Variants in PARP14 observed in about 807,000 individuals in gnomAD.
PARP14 encodes the protein protein mono-ADP-ribosyltransferase PARP14.
Under a neutral mutation model 154.2 loss-of-function variants are expected in PARP14, and 59 were observed. That is an observed-to-expected ratio of 0.38 (90% CI 0.31 to 0.48). The LOEUF is 0.48. PARP14 is among the 20% of genes least tolerant of loss of function. PARP14 has a pLI of 0.98. For synonymous variants in PARP14, 720 were observed against 780.5 expected, an observed-to-expected ratio of 0.92 and a Z score of 1.29; for missense variants, 1,734 against 2,131.6, an observed-to-expected ratio of 0.81 and a Z score of 3.67.
At chr3:122,722,935 A>ATT (rs67962718) in intron 15 of PARP14, among the ~76,000 whole-genome samples, 9 of 145,484 alleles carry the variant, frequency 6.2e-5, no homozygotes, top group Non-Finnish European at 7.6e-5. Flanking sequence ...TGCATTTCAT[A>ATT]TTTTTTTTTT....
intron 15 of PARP14, among the ~76,000 whole-genome samples, chr3:122,723,963 GTATGT>G (rs1389930969): frequency 6.6e-6 from 1 of 152,096 alleles, no homozygotes. Flanking sequence ...AAAAAAATCA[GTATGT>G]TATATTTAAT....
chr3:122,714,282 T>A lies in PARP14; in HGVS notation c.3853T>A (p.Tyr1285Asn). The change falls in exon 12 of 17, where the codon TAT (tyrosine) becomes AAT (asparagine). Residue 1285 changes from tyrosine (Y) to asparagine (N), a missense_variant. This residue lies in a region of PARP14 where 1,646 missense variants were observed against 1,976.0 expected (regional missense o/e 0.83). Coordinates refer to ENST00000474629, the MANE Select transcript of PARP14 (RefSeq NM_017554.3). The part of the protein sequence containing the change: ...SQQAQQRKND[Y>N]IITGGGFLRC... ...CCCAGCTCAGCAGCGCAAAAATGAT[T>A]ATATAATCACCGGAGGTGGATTTTT... 6.3e-7 allele frequency: 1 copy of A among 1,598,632 alleles called. No individual in the cohort carries two copies. The highest frequency in any genetic ancestry group is 8.5e-7 in the Non-Finnish European group (1 of 1,175,826).
At chr3:122,682,663 C>T (rs1034586484) in intron 1 of PARP14, among the ~76,000 whole-genome samples, 9 of 152,276 alleles carry the variant, frequency 5.9e-5, no homozygotes, top group Non-Finnish European at 1.3e-4. Flanking sequence ...CATCCTTGAC[C>T]GGCCCCAGCC....
At chr3:122,727,762 T>C in intron 15 of PARP14, 50 bp from the exon 16 acceptor site, 1 of 1,167,350 alleles carries the variant, frequency 8.6e-7, no homozygotes, top group South Asian at 1.6e-5. Flanking sequence ...TGCTGTATAT[T>C]GGCAAGTGCT....
In PARP14 at chr3:122,683,990, G is replaced by A. The variant is rs114287186; in HGVS notation, c.188-1195G>A. The stretch of plus-strand genomic sequence containing the variant: ...TTCAGGAGTTTGTGTGGAAACATCT[G>A]CCCTCCTCATAAAGAGTGAGATTAG... On this transcript the variant is annotated intron_variant, in intron 1 of 16. Coordinates refer to ENST00000474629, the MANE Select transcript of PARP14 (RefSeq NM_017554.3). Among the ~76,000 whole-genome samples the A allele has an allele frequency of 3.1e-3, 479 of 152,258 alleles. 1 individual carries two copies. The highest frequency in any genetic ancestry group is 0.011 in the African/African-American group (464 of 41,562).
At position 122,718,706 on chromosome 3, in the gene PARP14, C is replaced by T. The variant is rs776658320; in HGVS notation, c.4555C>T (p.Arg1519Ter). ...AATTGAGGCGATGATCAAGAGAGTT[C>T]GATTGGCCAAAGAACAGGAATCCCG... ...DEIEAMIKRV[R>*]LAKEQESRAD... The change falls in exon 14 of 17, where the codon CGA (arginine) becomes TGA (stop). Residue 1519 changes from arginine to a stop codon, truncating the protein, a stop_gained. Coordinates refer to ENST00000474629, the MANE Select transcript of PARP14 (RefSeq NM_017554.3). LOFTEE classifies it high-confidence loss of function. The T allele has an allele frequency of 2.5e-6, 4 of 1,613,290 alleles. No homozygotes were observed. The highest frequency in any genetic ancestry group is 2.7e-5 in the African/African-American group (2 of 74,792).
intron 1 of PARP14, among the ~76,000 whole-genome samples, chr3:122,682,976 A>C (rs1055969374): frequency 6.6e-6 from 1 of 152,154 alleles, no homozygotes; most frequent in Non-Finnish European, 1.5e-5. Context: ...AATTGCTTGA[A>C]CCAGGGAGGC....
intron 3 of PARP14, 105 bp downstream of exon 3, chr3:122,687,218 AG>A: frequency 6.5e-6 from 5 of 774,932 alleles, no homozygotes; most frequent in Non-Finnish European, 1.1e-5. Flanking sequence ...TCCACTATGC[AG>A]GATGTGCTCC....
rs6726 is a variant in PARP14 at position 122,730,810 on chromosome 3, A to G, written c.*2213A>G. The G allele has an allele frequency of 0.45, 68,541 of 152,476 alleles. 16,333 individuals carry two copies. Among genetic ancestry groups the G allele is most frequent in the South Asian group, 0.55 (2,649 of 4,822 alleles). The allele number at this position is 152,476 out of a possible 1,614,324, so 9.4% of individuals were successfully genotyped here. A position where few individuals can be genotyped will look rare whatever the true frequency, so the allele number is the denominator to read the frequency against. ...TAAATATGTCAACTGTCATTTTGCTACTTTTCAAATAAAATACTTGAAAAC... is the reference window on the plus strand; with the variant it reads ...TAAATATGTCAACTGTCATTTTGCTGCTTTTCAAATAAAATACTTGAAAAC... On this transcript the variant is annotated 3_prime_UTR_variant, in exon 17 of 17. Transcript: ENST00000474629.
At chr3:122,711,543 G>A (rs1939319304) in intron 9 of PARP14, among the ~76,000 whole-genome samples, 1 of 151,138 alleles carries the variant, frequency 6.6e-6, no homozygotes, top group African/African-American at 2.4e-5. Flanking sequence ...TTGGTCTGTA[G>A]TTTTTTTTTG....
At position 122,686,989 on chromosome 3, in the gene PARP14, C is replaced by G. The variant is rs551481288; in HGVS notation, c.322-91C>G. Reference sequence around the variant, plus strand: ...ACCTTTTCATTATTGTTTCTATTTACCCTCCATCTCCAGGCTGGTCCCAGG... The same window carrying G: ...ACCTTTTCATTATTGTTTCTATTTAGCCTCCATCTCCAGGCTGGTCCCAGG... On this transcript the variant is annotated intron_variant, in intron 2 of 16. Transcript: ENST00000474629. The G allele has an allele frequency of 6.9e-4, 570 of 823,366 alleles. No individual in the cohort carries two copies. Among genetic ancestry groups the G allele is most frequent in the Non-Finnish European group, 8.4e-4 (416 of 494,394 alleles). 51.0% of individuals were successfully genotyped at this position (823,366 alleles called of 1,614,324 possible). A position where few individuals can be genotyped will look rare whatever the true frequency, so the allele number is the denominator to read the frequency against.
In PARP14 at chr3:122,701,767, C is replaced by A; in HGVS notation, c.3081+132C>A. On this transcript the variant is annotated intron_variant, in intron 6 of 16. Transcript: ENST00000474629. The surrounding 1 kb of genome is among the most constrained non-coding windows in gnomAD (Gnocchi z 4.0). Reference sequence around the variant, plus strand: ...GGAGAGAATCCCATGCCTTCCACCCCTGCCTTGAAACAATTTTCCTTAGAT... The same window carrying A: ...GGAGAGAATCCCATGCCTTCCACCCATGCCTTGAAACAATTTTCCTTAGAT... 1 of 684,132 alleles carries A rather than the reference C, an allele frequency of 1.5e-6. No individual in the cohort carries two copies. The highest frequency in any genetic ancestry group is 2.4e-6 in the Non-Finnish European group (1 of 410,414). 42.4% of individuals were successfully genotyped at this position (684,132 alleles called of 1,614,324 possible).
intron 8 of PARP14, among the ~76,000 whole-genome samples, chr3:122,705,275 G>A (rs371910777): frequency 2.6e-5 from 4 of 152,038 alleles, no homozygotes; most frequent in Non-Finnish European, 4.4e-5. Context: ...TCTCATAAAC[G>A]TTTTGTTTTT....
chr3:122,696,672 C>G (rs1021654507), intron 5 of PARP14, among the ~76,000 whole-genome samples: 5 of 152,154 alleles, frequency 3.3e-5, no homozygotes, highest in African/African-American at 1.2e-4. Flanking sequence ...TTTCAAACAT[C>G]TTTAGGGCAT....
intron 12 of PARP14, among the ~76,000 whole-genome samples, chr3:122,716,686 G>C (rs1933011079): frequency 6.6e-6 from 1 of 152,096 alleles, no homozygotes; most frequent in Non-Finnish European, 1.5e-5. Flanking sequence ...TTTTTGTTCA[G>C]CTCTTGTCTT....
chr3:122,691,961 T>G (rs1451816325), intron 3 of PARP14, among the ~76,000 whole-genome samples: 1 of 152,210 alleles, frequency 6.6e-6, no homozygotes. Context: ...TCACTAATAA[T>G]TTTGGACAAA....
intron 12 of PARP14, among the ~76,000 whole-genome samples, chr3:122,716,274 A>G (rs1932992617): frequency 6.6e-6 from 1 of 152,046 alleles, no homozygotes; most frequent in South Asian, 2.1e-4. Context: ...CATCTCCCCA[A>G]ACCTGCCCTT....
intron 15 of PARP14, among the ~76,000 whole-genome samples, chr3:122,724,912 A>G (rs1933250630): frequency 6.6e-6 from 1 of 152,114 alleles, no homozygotes; most frequent in South Asian, 2.1e-4. Flanking sequence ...ACCGCCCTTA[A>G]TCCATTTAAC....
At chr3:122,682,081 G>T (rs370937009) in intron 1 of PARP14, among the ~76,000 whole-genome samples, 3 of 152,132 alleles carry the variant, frequency 2.0e-5, no homozygotes, top group Non-Finnish European at 4.4e-5. Flanking sequence ...AAAGAATGGC[G>T]CACAGAAGGA....
Sources: allele counts gnomAD v4.1 joint callset (sites outside exome capture counted in the v4.1 genomes callset), GRCh38; gene constraint gnomAD v4.1.1; regional missense constraint gnomAD v4.1.1; non-coding constraint Gnocchi (gnomAD v3.1); transcripts MANE v1.5; gene names NCBI Gene and HGNC (gene_info 2026-07-23, HGNC 2026-07-21).